Variants in TRPV4 observed in about 807,000 individuals in gnomAD.
The protein encoded by TRPV4 is transient receptor potential cation channel subfamily V member 4.
TRPV4 carries 58 observed loss-of-function variants against 84.1 expected under a neutral mutation model. The observed-to-expected ratio is 0.69, with a 90% CI of 0.56 to 0.86. TRPV4 has a LOEUF of 0.86. Among genes scored for constraint, TRPV4 ranks in the 40% least tolerant of loss-of-function variants. The pLI, the probability that TRPV4 is intolerant of heterozygous loss-of-function variation, is 0.00. For missense variants in TRPV4, 879 were observed against 1,181.1 expected (o/e 0.74, Z 3.75); for synonymous variants, 489 against 500.9 (o/e 0.98, Z 0.32).
chr12:109,830,572 C>T (rs1332080273), intron 1 of TRPV4, among the ~76,000 whole-genome samples: 1 of 152,152 alleles, frequency 6.6e-6, no homozygotes, highest in Non-Finnish European at 1.5e-5. Context: ...TGGAGCATTC[C>T]AGAGGGCCCA....
chr12:109,820,166 G>C (rs1892036063), intron 1 of TRPV4, among the ~76,000 whole-genome samples: 1 of 152,144 alleles, frequency 6.6e-6, no homozygotes, highest in Admixed American at 6.6e-5. Flanking sequence ...CCTTCTGGTG[G>C]GGAAACAATA....
At chr12:109,827,681 CAT>C (rs754075655) in intron 1 of TRPV4, among the ~76,000 whole-genome samples, 15 of 151,444 alleles carry the variant, frequency 9.9e-5, no homozygotes, top group South Asian at 6.2e-4. Flanking sequence ...CACATGCACA[CAT>C]AGACATTCAC....
At position 109,808,355 on chromosome 12, in the gene TRPV4, T is replaced by A; in HGVS notation, c.500A>T (p.Asp167Val). Residue 167 changes from aspartate to valine, a missense_variant, in exon 3 of 16, where the codon GAC becomes GTC. Physicochemically the swap from Asp to Val is radical, Grantham distance 152. Transcript: ENST00000261740. ...GGTCAGCAAGAATGGGAGCAGCCCG[T>A]CCAGGTCAGCAGTGGAGCCCCGGGA... ...IVSRGSTADL[D>V]GLLPFLLTHK... 3 of 1,614,188 alleles carry A rather than the reference T, an allele frequency of 1.9e-6. No individual in the cohort carries two copies. Among genetic ancestry groups the A allele is most frequent in the Non-Finnish European group, 2.5e-6 (3 of 1,180,026 alleles).
intron 1 of TRPV4, among the ~76,000 whole-genome samples, chr12:109,830,955 G>A: frequency 6.6e-6 from 1 of 152,190 alleles, no homozygotes. Context: ...CTCAGAGCTT[G>A]GATGACTTCC....
chr12:109,796,167 A>T lies in TRPV4; in HGVS notation c.1332+358T>A, dbSNP rs1890384776. ...TAAAATTAACCTCTTTGGTCCTCCCAAGAACCCCATGGGATATCCATGATC... is the reference window on the plus strand; with the variant it reads ...TAAAATTAACCTCTTTGGTCCTCCCTAGAACCCCATGGGATATCCATGATC... On this transcript the variant is annotated intron_variant, in intron 7 of 15. Transcript: ENST00000261740. This position sits in a 1 kb window ranked among gnomAD's most constrained non-coding sequence, Gnocchi z 4.2. 6.6e-6 allele frequency among the ~76,000 whole-genome samples: 1 copy of T among 152,190 alleles called. No individual in the cohort carries two copies. Among genetic ancestry groups the T allele is most frequent in the Non-Finnish European group, 1.5e-5 (1 of 68,018 alleles).
rs142902080 is a variant in TRPV4, at chr12:109,798,808, G to A, written c.958C>T (p.Arg320Ter). 140 of 1,614,038 alleles carry A rather than the reference G, an allele frequency of 8.7e-5. No homozygotes were observed. Among genetic ancestry groups the A allele is most frequent in the Middle Eastern group, 1.6e-4 (1 of 6,084 alleles). ...KKADMRRQDS[R>*]GNTVLHALVA... ...AGCGCATGCAGCACTGTGTTGCCTC[G>A]CGAGTCCTGGCGCCGCATGTCCGCC... The change falls in exon 6 of 16, where the codon CGA (arginine) becomes TGA (stop). Residue 320 changes from arginine (R) to a stop codon, truncating the protein, a stop_gained. Coordinates refer to ENST00000261740, the MANE Select transcript of TRPV4 (RefSeq NM_021625.5). LOFTEE classifies it high-confidence loss of function. The surrounding 1 kb of genome is among the most constrained non-coding windows in gnomAD (Gnocchi z 5.0).
At chr12:109,801,539 C>T (rs1222966055) in intron 4 of TRPV4, among the ~76,000 whole-genome samples, 1 of 152,170 alleles carries the variant, frequency 6.6e-6, no homozygotes, top group Non-Finnish European at 1.5e-5. Context: ...TTCCTGATGC[C>T]TCCCCAGCCC....
At position 109,814,777 on chromosome 12, in the gene TRPV4, C is replaced by T. The variant is rs1213728059; in HGVS notation, c.20G>A (p.Gly7Asp). 7 of 1,547,120 alleles carry T rather than the reference C, an allele frequency of 4.5e-6. No individual in the cohort carries two copies. Among genetic ancestry groups the T allele is most frequent in the African/African-American group, 4.1e-5 (3 of 73,138 alleles). Residue 7 changes from glycine (G) to aspartate (D), a missense_variant, in exon 2 of 16, where the codon GGC (glycine) becomes GAC (aspartate). Gly to Asp is a moderately conservative substitution (Grantham distance 94, BLOSUM62 -1). Around this residue, in one of 4 missense-constraint regions of TRPV4, gnomAD observed 107 missense variants for 99.4 expected, o/e 1.08. Coordinates refer to ENST00000261740, the MANE Select transcript of TRPV4 (RefSeq NM_021625.5). The surrounding 1 kb of genome is among the most constrained non-coding windows in gnomAD (Gnocchi z 5.4). ...CACCTCCCCGGGCCCCGCGCGGGGG[C>T]CTTCGCTGGAATCCGCCATGCCTGC... MADSSE[G>D]PRAGPGEVAE...
In TRPV4 at chr12:109,794,442, G is replaced by C. The variant is rs34227547; in HGVS notation, c.1378C>G (p.Arg460Gly). The change falls in exon 8 of 16, where the codon CGG (arginine) becomes GGG (glycine). Residue 460 changes from arginine to glycine, a missense_variant. Around this residue, in one of 4 missense-constraint regions of TRPV4, gnomAD observed 521 missense variants for 686.6 expected, o/e 0.76. Coordinates refer to ENST00000261740, the MANE Select transcript of TRPV4 (RefSeq NM_021625.5). ...LAVEPINELL[R>G]DKWRKFGAVS... The stretch of plus-strand genomic sequence containing the variant: ...GCCCCGAACTTGCGCCACTTGTCCC[G>C]CAGCAGTTCATTGATGGGCTCCACA... 2 of 1,614,064 alleles carry C rather than the reference G, an allele frequency of 1.2e-6. No individual in the cohort carries two copies. The highest frequency in any genetic ancestry group is 4.5e-5 in the East Asian group (2 of 44,854).
chr12:109,816,881 A>T (rs148600711), intron 1 of TRPV4, among the ~76,000 whole-genome samples: 3 of 152,288 alleles, frequency 2.0e-5, no homozygotes, highest in Non-Finnish European at 2.9e-5. Flanking sequence ...GAAGAAAGAG[A>T]AGTTAGGAGG....
In TRPV4 at chr12:109,783,588, G is replaced by A; in HGVS notation, c.*33C>T. The A allele has an allele frequency of 6.2e-7, 1 of 1,604,772 alleles. No homozygotes were observed. Among genetic ancestry groups the A allele is most frequent in the East Asian group, 2.2e-5 (1 of 44,768 alleles). ...TGAAATGCGGCTGGACTAGAAATGAGTGGGCAGAGAAGCTGGGGCTGGGCT... is the reference window on the plus strand; with the variant it reads ...TGAAATGCGGCTGGACTAGAAATGAATGGGCAGAGAAGCTGGGGCTGGGCT... On this transcript the variant is annotated 3_prime_UTR_variant, in exon 16 of 16. Transcript: ENST00000261740. This position sits in a 1 kb window ranked among gnomAD's most constrained non-coding sequence, Gnocchi z 4.6.
In TRPV4 at chr12:109,783,539, G is replaced by T. The variant is rs1047531493; in HGVS notation, c.*82C>A. ...GCCTCTGGGGCCAAAGCAGGGTGTG[G>T]GGGGACACCCCAGAAGGCACTGCTG... On this transcript the variant is annotated 3_prime_UTR_variant, in exon 16 of 16. Coordinates refer to ENST00000261740, the MANE Select transcript of TRPV4 (RefSeq NM_021625.5). This position sits in a 1 kb window ranked among gnomAD's most constrained non-coding sequence, Gnocchi z 4.6. 6 of 1,539,616 alleles carry T rather than the reference G, an allele frequency of 3.9e-6. No individual in the cohort carries two copies. The African/African-American group carries it at 6.8e-5, about 17-fold the overall frequency.
intron 1 of TRPV4, among the ~76,000 whole-genome samples, chr12:109,819,102 C>T (rs536366895): frequency 7.2e-5 from 11 of 152,146 alleles, no homozygotes; most frequent in Admixed American, 3.9e-4. Flanking sequence ...CACACACACC[C>T]GGCTCTGCTG....
Position 109,786,730 on chromosome 12 carries a change from A to G in TRPV4, c.2316T>C (p.Pro772=), listed in dbSNP as rs897497542. The change falls in exon 14 of 16, where the codon CCT becomes CCC. Residue 772 remains proline (P), a synonymous_variant. Coordinates refer to ENST00000261740, the MANE Select transcript of TRPV4 (RefSeq NM_021625.5). The surrounding 1 kb of genome is among the most constrained non-coding windows in gnomAD (Gnocchi z 4.5). ...CTCACCTGAAGCACCACCTGCGGTC[A>G]GGAGTGCCGTCCGAGCTCTTGCCCA... The part of the protein sequence containing the change: ...VTVGKSSDGT[P]DRRWCFRVDE... 1.2e-6 allele frequency: 2 copies of G among 1,613,890 alleles called. No homozygotes were observed. The highest frequency in any genetic ancestry group is 3.3e-5 in the Admixed American group (2 of 60,018).
chr12:109,792,575 G>T, intron 11 of TRPV4, 77 bp downstream of exon 11: 2 of 1,593,602 alleles, frequency 1.3e-6, no homozygotes, highest in Non-Finnish European at 1.7e-6. Context: ...AGGTCTGCAG[G>T]TGCATAAGTG....
At position 109,786,939 on chromosome 12, in the gene TRPV4, C is replaced by G. The variant is rs1488047232; in HGVS notation, c.2209-102G>C. On this transcript the variant is annotated intron_variant, in intron 13 of 15. Coordinates refer to ENST00000261740, the MANE Select transcript of TRPV4 (RefSeq NM_021625.5). The surrounding 1 kb of genome is among the most constrained non-coding windows in gnomAD (Gnocchi z 4.5). ...ACAACGGGCCAGGGTGGGCCCAGAA[C>G]TAGGCATTTAGACTCCTACTCCCCA... 6.5e-7 allele frequency: 1 copy of G among 1,541,832 alleles called. No individual in the cohort carries two copies. Among genetic ancestry groups the G allele is most frequent in the Middle Eastern group, 2.0e-4 (1 of 4,980 alleles).
At position 109,783,733 on chromosome 12, in the gene TRPV4, T is replaced by G. The variant is rs1330809866; in HGVS notation, c.2504A>C (p.Asn835Thr). 1 of 1,612,944 alleles carries G rather than the reference T, an allele frequency of 6.2e-7. No individual in the cohort carries two copies. Among genetic ancestry groups the G allele is most frequent in the African/African-American group, 1.3e-5 (1 of 74,640 alleles). ...VVPRVVELNK[N>T]SNPDEVVVPL... Reference sequence around the variant, plus strand: ...CACCACCACCTCGTCCGGGTTCGAGTTCTTGTTCAGTTCCACCACGCGGGG... The same window carrying G: ...CACCACCACCTCGTCCGGGTTCGAGGTCTTGTTCAGTTCCACCACGCGGGG... Residue 835 changes from asparagine (N) to threonine (T), a missense_variant, in exon 16 of 16, where the codon AAC (asparagine) becomes ACC (threonine). Around this residue, in one of 4 missense-constraint regions of TRPV4, gnomAD observed 242 missense variants for 355.3 expected, o/e 0.68. Transcript: ENST00000261740. This position sits in a 1 kb window ranked among gnomAD's most constrained non-coding sequence, Gnocchi z 4.6.
chr12:109,806,860 C>CAAAAAAA (rs1181923346), intron 3 of TRPV4, among the ~76,000 whole-genome samples: 1 of 45,664 alleles, frequency 2.2e-5, no homozygotes. Context: ...GACCCTATCT[C>CAAAAAAA]AAAAAAAAAA....
At position 109,830,728 on chromosome 12, in the gene TRPV4, T is replaced by A. The variant is rs147188907; in HGVS notation, c.-32+2622A>T. ...GGGGAAACTGAGGCAGACAGCAGGG[T>A]CAAGGGCCTGCATGGAGTAGAGACA... On this transcript the variant is annotated intron_variant, in intron 1 of 15. Coordinates refer to ENST00000261740, the MANE Select transcript of TRPV4 (RefSeq NM_021625.5). 4.3e-3 allele frequency among the ~76,000 whole-genome samples: 654 copies of A among 152,170 alleles called. 4 individuals carry two copies. The highest frequency in any genetic ancestry group is 0.017 in the Middle Eastern group (5 of 294).
Sources: allele counts gnomAD v4.1 joint callset (sites outside exome capture counted in the v4.1 genomes callset), GRCh38; gene constraint gnomAD v4.1.1; regional missense constraint gnomAD v4.1.1; non-coding constraint Gnocchi (gnomAD v3.1); transcripts MANE v1.5; gene names NCBI Gene and HGNC (gene_info 2026-07-23, HGNC 2026-07-21).